LRRFIP2: variants seen among roughly 807,000 people sequenced by gnomAD.
The protein encoded by LRRFIP2 is leucine-rich repeat flightless-interacting protein 2.
A neutral mutation model predicts 125.9 loss-of-function variants in LRRFIP2; 109 were observed. The ratio of observed to expected loss-of-function variants is 0.87; its 90% CI spans 0.74 to 1.01. The LOEUF (loss-of-function observed/expected upper bound fraction) is 1.01. Ranked by LOEUF, LRRFIP2 falls within the 50% of genes least tolerant of loss-of-function variation. The probability of loss-of-function intolerance (pLI) is 0.00; values close to 1 mark genes in which losing one functional copy is unlikely to be tolerated. For missense variants in LRRFIP2, 850 were observed against 862.3 expected (o/e 0.99, Z 0.18); for synonymous variants, 291 against 293.1 (o/e 0.99, Z 0.07).
intron 7 of LRRFIP2, among the ~76,000 whole-genome samples, chr3:37,113,691 G>C (rs1358534169): frequency 2.6e-5 from 4 of 152,138 alleles, no homozygotes; most frequent in African/African-American, 9.7e-5. Context: ...ATTAAAACAG[G>C]ACTGAGAGAA....
intron 15 of LRRFIP2, 23 bp downstream of exon 15, chr3:37,102,901 A>T: frequency 6.7e-7 from 1 of 1,502,666 alleles, no homozygotes; most frequent in Non-Finnish European, 9.0e-7. Context: ...AACATAACCA[A>T]CCACCCCATG....
intron 1 of LRRFIP2, among the ~76,000 whole-genome samples, chr3:37,154,324 A>C (rs1479666293): frequency 6.6e-6 from 1 of 152,246 alleles, no homozygotes. Context: ...ACTTTTCAAC[A>C]AAATGACAAA....
rs761505931 is a variant in LRRFIP2 at position 37,129,186 on chromosome 3, A to G, written c.91-37T>C. The stretch of plus-strand genomic sequence containing the variant: ...TATAAAACTCAGCTTTATACAACAA[A>G]AACAAAAACAACCTGTACACCAGAT... On this transcript the variant is annotated intron_variant, in intron 2 of 27. Transcript: ENST00000336686. 3.2e-6 allele frequency: 5 copies of G among 1,569,132 alleles called. No homozygotes were observed. In the South Asian group the frequency reaches 5.5e-5, roughly 17 times the overall value.
intron 1 of LRRFIP2, among the ~76,000 whole-genome samples, chr3:37,153,574 T>C (rs1168823860): frequency 6.6e-6 from 1 of 152,152 alleles, no homozygotes; most frequent in African/African-American, 2.4e-5. Flanking sequence ...CCATGATCCA[T>C]TTTCTTTCCT....
In LRRFIP2 at chr3:37,094,846, T is replaced by C; in HGVS notation, c.981A>G (p.Gly327=). Residue 327 remains glycine, a synonymous_variant, in exon 17 of 28, where the codon GGA becomes GGG. Coordinates refer to ENST00000336686, the MANE Select transcript of LRRFIP2 (RefSeq NM_006309.4). ...TPLSGNSSRR[G]SGDTSSLIDP... is the part of the protein sequence containing the mutation. ...CTATTAAGCTGCTGGTGTCCCCACT[T>C]CCTCGTCTGGATGAGTTTCCACTTA... 6.2e-7 allele frequency: 1 copy of C among 1,614,008 alleles called. No homozygotes were observed. Among genetic ancestry groups the C allele is most frequent in the Non-Finnish European group, 8.5e-7 (1 of 1,179,906 alleles).
At chr3:37,077,568 AAACCAT>A (rs1320397722) in intron 19 of LRRFIP2, among the ~76,000 whole-genome samples, 4 of 152,218 alleles carry the variant, frequency 2.6e-5, no homozygotes, top group African/African-American at 9.6e-5. Flanking sequence ...ATGGAAAGAT[AAACCAT>A]TAAAATTTAA....
chr3:37,137,180 G>A (rs1402012420), intron 2 of LRRFIP2, among the ~76,000 whole-genome samples: 1 of 152,056 alleles, frequency 6.6e-6, no homozygotes, highest in Non-Finnish European at 1.5e-5. Context: ...GTTTCACCAT[G>A]TTGCCCAGGC....
chr3:37,094,806 A>G lies in LRRFIP2; in HGVS notation c.1021T>C (p.Leu341=). The G allele has an allele frequency of 6.2e-7, 1 of 1,612,728 alleles. No individual in the cohort carries two copies. ...TSSLIDPDTS[L]SELRDIYDLK... ...CTTCAGTTTACCCGCAATTCACTTA[A>G]TGAAGTGTCTGGATCTATTAAGCTG... Residue 341 remains leucine (L), a synonymous_variant, in exon 17 of 28, where the codon TTA becomes CTA. Coordinates refer to ENST00000336686, the MANE Select transcript of LRRFIP2 (RefSeq NM_006309.4).
intron 6 of LRRFIP2, among the ~76,000 whole-genome samples, chr3:37,118,476 A>G (rs2094889833): frequency 6.6e-6 from 1 of 152,202 alleles, no homozygotes; most frequent in South Asian, 2.1e-4. Flanking sequence ...TAATCCAATC[A>G]TTATACAAAA....
chr3:37,071,475 C>CCTTGGTTTCCCAAA (rs572807142), intron 21 of LRRFIP2, among the ~76,000 whole-genome samples: 1 of 151,932 alleles, frequency 6.6e-6, no homozygotes, highest in Non-Finnish European at 1.5e-5. Context: ...AGCGATCCTC[C>CCTTGGTTTCCCAAA]GTGCTAGGAT....
intron 7 of LRRFIP2, among the ~76,000 whole-genome samples, chr3:37,114,552 G>A (rs758691035): frequency 3.3e-5 from 5 of 152,172 alleles, no homozygotes; most frequent in Non-Finnish European, 7.3e-5. Flanking sequence ...GGAGGCCAAG[G>A]TGGGAGGATC....
intron 1 of LRRFIP2, among the ~76,000 whole-genome samples, chr3:37,167,069 T>C (rs1386572110): frequency 6.6e-6 from 1 of 151,224 alleles, no homozygotes; most frequent in Non-Finnish European, 1.5e-5. Flanking sequence ...TGGTGGTACA[T>C]GCCTGTGGTC....
At chr3:37,106,878 A>T (rs1471666119) in intron 13 of LRRFIP2, among the ~76,000 whole-genome samples, 1 of 151,748 alleles carries the variant, frequency 6.6e-6, no homozygotes, top group Non-Finnish European at 1.5e-5. Flanking sequence ...AAATATGACA[A>T]TCTAATGTCC....
chr3:37,138,999 C>T (rs1048282596), intron 2 of LRRFIP2, among the ~76,000 whole-genome samples: 2 of 152,152 alleles, frequency 1.3e-5, no homozygotes, highest in African/African-American at 2.4e-5. Context: ...GATACCATGA[C>T]AGTCAACCTG....
chr3:37,174,674 A>G (rs2150486959), upstream of LRRFIP2: 1 of 152,354 alleles, frequency 6.6e-6, no homozygotes, highest in African/African-American at 2.4e-5. Flanking sequence ...AAACTATTCT[A>G]AATTCCAGCA....
At chr3:37,063,568 T>C (rs2089357549) in intron 24 of LRRFIP2, among the ~76,000 whole-genome samples, 174 bp downstream of exon 24, 6 of 152,236 alleles carry the variant, frequency 3.9e-5, no homozygotes, top group Admixed American at 3.9e-4. Flanking sequence ...TAAAAAAATG[T>C]TTTAAGAACA....
intron 4 of LRRFIP2, 66 bp from the exon 5 acceptor site, chr3:37,121,757 A>G: frequency 6.8e-7 from 1 of 1,480,786 alleles, no homozygotes. Context: ...AGAACAACTG[A>G]GCAAAGAGCA....
At position 37,150,666 on chromosome 3, in the gene LRRFIP2, T is replaced by C. The variant is rs377719661; in HGVS notation, c.-55-1628A>G. On this transcript the variant is annotated intron_variant, in intron 1 of 27. Transcript: ENST00000336686. ...AAATTTCATGCCCTCTTTTCTTCTA[T>C]ACACATTGCTAAGAAGTATAGCTCA... Among the ~76,000 whole-genome samples, 427 of 152,310 alleles carry C rather than the reference T, an allele frequency of 2.8e-3. 3 individuals carry two copies. The highest frequency in any genetic ancestry group is 9.8e-3 in the African/African-American group (409 of 41,554).
At chr3:37,065,610 C>G in intron 23 of LRRFIP2, 200 bp downstream of exon 23, 1 of 711,326 alleles carries the variant, frequency 1.4e-6, no homozygotes, top group South Asian at 1.5e-5. Context: ...CACTTATTGC[C>G]TTACAGTGAC....
Sources: allele counts gnomAD v4.1 joint callset (sites outside exome capture counted in the v4.1 genomes callset), GRCh38; gene constraint gnomAD v4.1.1; transcripts MANE v1.5; gene names NCBI Gene and HGNC (gene_info 2026-07-23, HGNC 2026-07-21).